Variants in SLC8A1 observed in about 807,000 individuals in gnomAD.
The protein encoded by SLC8A1 is solute carrier family 8 member A1, also known as sodium/calcium exchanger 1.
SLC8A1 carries 18 observed loss-of-function variants against 68.3 expected under a neutral mutation model. The observed-to-expected ratio is 0.26, with a 90% CI of 0.18 to 0.39. The LOEUF is 0.39. SLC8A1 is among the 10% of genes least tolerant of loss of function. SLC8A1 has a pLI of 1.00. For missense variants in SLC8A1, 985 were observed against 1,156.7 expected, an observed-to-expected ratio of 0.85 and a Z score of 2.15; for synonymous variants, 475 against 415.5, an observed-to-expected ratio of 1.14 and a Z score of -1.74.
At chr2:40,158,547 A>G (rs1013953415) in intron 6 of SLC8A1, among the ~76,000 whole-genome samples, 3 of 152,220 alleles carry the variant, frequency 2.0e-5, no homozygotes, top group Non-Finnish European at 4.4e-5. Context: ...TATCTCAGTT[A>G]TTAACAATTC....
intron 2 of SLC8A1, among the ~76,000 whole-genome samples, chr2:40,269,466 C>A (rs987700585): frequency 6.6e-6 from 1 of 151,970 alleles, no homozygotes; most frequent in African/African-American, 2.4e-5. Flanking sequence ...GGAAAGGTAG[C>A]GAAAAAGTTA....
chr2:40,433,959 T>C (rs1407281386), intron 1 of SLC8A1, among the ~76,000 whole-genome samples: 1 of 152,174 alleles, frequency 6.6e-6, no homozygotes, highest in Non-Finnish European at 1.5e-5. Flanking sequence ...ATAACTGTGA[T>C]GTAACATGAG....
chr2:40,241,302 C>A (rs1282182660), intron 2 of SLC8A1, among the ~76,000 whole-genome samples: 1 of 152,024 alleles, frequency 6.6e-6, no homozygotes, highest in Non-Finnish European at 1.5e-5. Flanking sequence ...AATCACTGAG[C>A]ATACACGGAC....
intron 2 of SLC8A1, among the ~76,000 whole-genome samples, chr2:40,286,794 T>C (rs1213370684): frequency 1.3e-5 from 2 of 152,188 alleles, no homozygotes; most frequent in African/African-American, 4.8e-5. Flanking sequence ...CAATTGATAA[T>C]ACCAGTGCTC....
At chr2:40,348,466 C>T (rs1217124674) in intron 2 of SLC8A1, among the ~76,000 whole-genome samples, 1 of 152,222 alleles carries the variant, frequency 6.6e-6, no homozygotes, top group African/African-American at 2.4e-5. Context: ...AATAAAAAAG[C>T]TTTTTTTCTG....
At chr2:40,261,941 T>C (rs1287239521) in intron 2 of SLC8A1, among the ~76,000 whole-genome samples, 1 of 151,930 alleles carries the variant, frequency 6.6e-6, no homozygotes, top group Non-Finnish European at 1.5e-5. Context: ...GTAAGCTCCT[T>C]GAAGACATGA....
chr2:40,377,880 C>T (rs547411328), intron 2 of SLC8A1, among the ~76,000 whole-genome samples: 10 of 152,080 alleles, frequency 6.6e-5, no homozygotes, highest in Non-Finnish European at 1.2e-4. Context: ...ATCTTGTGTC[C>T]TATGGTCATC....
intron 2 of SLC8A1, among the ~76,000 whole-genome samples, chr2:40,219,717 T>C (rs1160399201): frequency 6.6e-6 from 1 of 152,184 alleles, no homozygotes; most frequent in African/African-American, 2.4e-5. Flanking sequence ...TACTTCAGTT[T>C]ATAGCAATAA....
chr2:40,491,488 C>T (rs1429771243), intron 1 of SLC8A1, among the ~76,000 whole-genome samples: 4 of 152,068 alleles, frequency 2.6e-5, no homozygotes, highest in Non-Finnish European at 5.9e-5. Flanking sequence ...CCTTCTCCTG[C>T]CTAATTGCCC....
At chr2:40,152,976 T>TA (rs992906603) in intron 6 of SLC8A1, among the ~76,000 whole-genome samples, 16 of 152,004 alleles carry the variant, frequency 1.1e-4, no homozygotes, top group Non-Finnish European at 4.4e-5. Flanking sequence ...CCATCTTTTT[T>TA]AAAAAAATAG....
chr2:40,188,865 T>A (rs2051209797), intron 2 of SLC8A1, among the ~76,000 whole-genome samples: 1 of 152,224 alleles, frequency 6.6e-6, no homozygotes, highest in Admixed American at 6.5e-5. Context: ...TGTAAAACAT[T>A]CTTAAAGATG....
chr2:40,453,274 G>C (rs1390198997), upstream of SLC8A1: 1 of 152,126 alleles, frequency 6.6e-6, no homozygotes, highest in Non-Finnish European at 1.5e-5. Context: ...AGTTGCTATC[G>C]GCCACTGGTG....
At chr2:40,475,716 T>C (rs1362031447) in intron 1 of SLC8A1, among the ~76,000 whole-genome samples, 1 of 151,968 alleles carries the variant, frequency 6.6e-6, no homozygotes, top group Non-Finnish European at 1.5e-5. Flanking sequence ...AATAACTACA[T>C]TTGCCAAAAT....
At chr2:40,309,014 C>A (rs1024535108) in intron 2 of SLC8A1, among the ~76,000 whole-genome samples, 1 of 152,100 alleles carries the variant, frequency 6.6e-6, no homozygotes, top group Non-Finnish European at 1.5e-5. Context: ...ATTCATGCAA[C>A]CTAAAATGCT....
intron 3 of SLC8A1, among the ~76,000 whole-genome samples, chr2:40,175,805 G>A (rs1351172840): frequency 6.6e-6 from 1 of 152,044 alleles, no homozygotes; most frequent in East Asian, 1.9e-4. Flanking sequence ...TGGGTTCCCT[G>A]CCTGGAAAGA....
intron 1 of SLC8A1, among the ~76,000 whole-genome samples, chr2:40,466,497 G>T (rs181817642): frequency 6.6e-6 from 1 of 152,254 alleles, no homozygotes; most frequent in Admixed American, 6.5e-5. Flanking sequence ...TGTATGAAAA[G>T]AAAATATGTA....
intron 2 of SLC8A1, among the ~76,000 whole-genome samples, chr2:40,345,573 C>A (rs897697991): frequency 6.6e-6 from 1 of 151,994 alleles, no homozygotes. Flanking sequence ...AAAAAAGAAA[C>A]AGCAAATTTG....
At chr2:40,326,583 C>T (rs1401244877) in intron 2 of SLC8A1, among the ~76,000 whole-genome samples, 2 of 152,152 alleles carry the variant, frequency 1.3e-5, no homozygotes, top group Admixed American at 1.3e-4. Flanking sequence ...TATCCTCTTC[C>T]TCTCTTTCTC....
chr2:40,193,594 T>C (rs1346744004), intron 2 of SLC8A1, among the ~76,000 whole-genome samples: 1 of 151,944 alleles, frequency 6.6e-6, no homozygotes, highest in Non-Finnish European at 1.5e-5. Context: ...TGATGGGAGG[T>C]GAGTCAAGAA....
Sources: allele counts gnomAD v4.1 joint callset (sites outside exome capture counted in the v4.1 genomes callset), GRCh38; gene constraint gnomAD v4.1.1; transcripts MANE v1.5; gene names NCBI Gene and HGNC (gene_info 2026-07-23, HGNC 2026-07-21).